The following CBLC variants were observed in gnomAD, a reference collection of about 807,000 sequenced individuals.
CBLC encodes Cbl proto-oncogene C, also known as E3 ubiquitin-protein ligase CBL-C.
In CBLC, 46 loss-of-function variants were observed where a neutral mutation model predicts 58.6. The observed-to-expected ratio is 0.79, with a 90% CI of 0.62 to 1.00. CBLC has a LOEUF of 1.00. CBLC is among the 50% of genes least tolerant of loss of function. CBLC has a pLI of 0.00. For missense variants in CBLC, 655 were observed against 625.8 expected (o/e 1.05, Z -0.50); for synonymous variants, 271 against 264.2 (o/e 1.03, Z -0.25).
Position 44,793,610 on chromosome 19 carries a change from A to T in CBLC, c.1274A>T (p.Glu425Val), listed in dbSNP as rs1172300265. 1.2e-6 allele frequency: 2 copies of T among 1,602,042 alleles called. No homozygotes were observed. Residue 425 changes from glutamate to valine, a missense_variant, in exon 8 of 11, where the codon GAG becomes GTG. This residue lies in a region of CBLC where 371 missense variants were observed against 370.8 expected (regional missense o/e 1.00). Transcript: ENST00000647358. The stretch of plus-strand genomic sequence containing the variant: ...AGTGACCAGGAAGGCAGGGAGTTGG[A>T]GCTGGGGCAGGTGAGCAGGGCCAGC... ...NSSDQEGREL[E>V]LGQVPLSAPP...
Position 44,798,065 on chromosome 19 carries a change from T to C in CBLC, c.1363-2316T>C, listed in dbSNP as rs1968215335. Among the ~76,000 whole-genome samples the C allele has an allele frequency of 2.0e-5, 3 of 152,082 alleles. No individual in the cohort carries two copies. In the South Asian group the frequency reaches 6.2e-4, roughly 32 times the overall value. On this transcript the variant is annotated intron_variant, in intron 9 of 10. Transcript: ENST00000647358. ...GCTGCTGTTCTCCATCTGAGAAACC[T>C]CCCTTTAGGGGACGACACTGCCATT...
chr19:44,784,207 A>C (rs1395228221), intron 4 of CBLC, 57 bp from the exon 5 acceptor site: 4 of 1,477,734 alleles, frequency 2.7e-6, no homozygotes, highest in Non-Finnish European at 3.7e-6. Context: ...CTGGAAGTTC[A>C]CAAAAGGGAT....
rs1967720810 is a variant in CBLC at position 44,781,240 on chromosome 19, C to G, written c.534C>G (p.Leu178=). 1 of 1,613,718 alleles carries G rather than the reference C, an allele frequency of 6.2e-7. No individual in the cohort carries two copies. Residue 178 remains leucine, a synonymous_variant, in exon 3 of 11, where the codon CTC becomes CTG. Coordinates refer to ENST00000647358, the MANE Select transcript of CBLC (RefSeq NM_012116.4). ...CVLPWAEFES[L]LGTCHPVEPG... is the part of the protein sequence containing the mutation. ...TGCCCTGGGCTGAGTTTGAGTCCCT[C>G]CTGGGCACCTGCCACCCTGTGGAAC...
chr19:44,784,166 T>C (rs1967822887), intron 4 of CBLC, 98 bp from the exon 5 acceptor site: 1 of 1,185,164 alleles, frequency 8.4e-7, no homozygotes, highest in African/African-American at 1.5e-5. Context: ...GGTGAGGACC[T>C]AGACACCTGG....
rs1374329094 is a variant in CBLC, at chr19:44,792,183, G to A, written c.1006-200G>A. ...TAATTTTTGTATTTTTAGTAGAGAC[G>A]GGGTTTCAACATGTTGACCAGGCTG... On this transcript the variant is annotated intron_variant, in intron 6 of 10. Transcript: ENST00000647358. 3.3e-5 allele frequency among the ~76,000 whole-genome samples: 5 copies of A among 151,890 alleles called. No homozygotes were observed. In the East Asian group the frequency reaches 5.8e-4, roughly 18 times the overall value.
At chr19:44,792,790 T>G (rs908841501) in intron 7 of CBLC, among the ~76,000 whole-genome samples, 1 of 152,150 alleles carries the variant, frequency 6.6e-6, no homozygotes, top group Non-Finnish European at 1.5e-5. Flanking sequence ...AGCCAGTGGC[T>G]TCACGTCTCT....
chr19:44,780,694 AACTC>A (rs1967699479), intron 1 of CBLC, among the ~76,000 whole-genome samples: 1 of 151,348 alleles, frequency 6.6e-6, no homozygotes, highest in East Asian at 2.0e-4. Context: ...GTTGGTCCCA[AACTC>A]CTGACTTCAA....
chr19:44,793,772 C>CTA, intron 8 of CBLC, 152 bp downstream of exon 8: 2 of 710,162 alleles, frequency 2.8e-6, no homozygotes, highest in East Asian at 3.2e-5. Context: ...TACTCTGAGT[C>CTA]TAAGGGAGGA....
intron 1 of CBLC, among the ~76,000 whole-genome samples, chr19:44,780,066 C>T (rs1451256679): frequency 6.6e-6 from 1 of 152,030 alleles, no homozygotes; most frequent in African/African-American, 2.4e-5. Flanking sequence ...GTAGGTAGAA[C>T]CACTGTCATA....
At chr19:44,782,117 G>A (rs1219408314) in intron 3 of CBLC, among the ~76,000 whole-genome samples, 1 of 137,258 alleles carries the variant, frequency 7.3e-6, no homozygotes, top group Non-Finnish European at 1.6e-5. Flanking sequence ...AGGAGGGGGT[G>A]AGGGCCTGGA....
Position 44,777,913 on chromosome 19 carries a change from C to G in CBLC, c.-19C>G. 3.2e-6 allele frequency: 5 copies of G among 1,538,820 alleles called. No homozygotes were observed. Among genetic ancestry groups the G allele is most frequent in the Non-Finnish European group, 4.3e-6 (5 of 1,150,096 alleles). ...CTATCCCAGCCGCACCGGTCCTTCC[C>G]GGCACACGCGAGGCTCCCATGGCTC... On this transcript the variant is annotated 5_prime_UTR_variant, in exon 1 of 11. Transcript: ENST00000647358.
chr19:44,792,275 G>C, intron 6 of CBLC, 108 bp from the exon 7 acceptor site: 1 of 1,269,928 alleles, frequency 7.9e-7, no homozygotes, highest in Non-Finnish European at 1.1e-6. Context: ...TTACAGGCGT[G>C]AGCCACCACA....
At chr19:44,798,476 G>C (rs1396176206) in intron 9 of CBLC, among the ~76,000 whole-genome samples, 1 of 152,104 alleles carries the variant, frequency 6.6e-6, no homozygotes. Flanking sequence ...TTGGGAGGCC[G>C]AGGTGGGCAA....
At position 44,782,373 on chromosome 19, in the gene CBLC, T is replaced by G; in HGVS notation, c.661T>G (p.Trp221Gly). 6.2e-7 allele frequency: 1 copy of G among 1,613,254 alleles called. No homozygotes were observed. The highest frequency in any genetic ancestry group is 8.5e-7 in the Non-Finnish European group (1 of 1,179,536). The change falls in exon 4 of 11, where the codon TGG (tryptophan) becomes GGG (glycine). Residue 221 changes from tryptophan (W) to glycine (G), a missense_variant. This residue lies in a region of CBLC where 371 missense variants were observed against 370.8 expected (regional missense o/e 1.00). Coordinates refer to ENST00000647358, the MANE Select transcript of CBLC (RefSeq NM_012116.4). ...FDVFTRLFQPWPTLLKNWQLL... is the reference protein window; with the variant it reads ...FDVFTRLFQPGPTLLKNWQLL... ...CCCAAGCCCTGCCCCACCCCAGCCA[T>G]GGCCAACACTCCTCAAGAACTGGCA... is the stretch of plus-strand genomic sequence containing the variant.
rs777782872 is a variant in CBLC, at chr19:44,781,410, G to T, written c.657+47G>T. The T allele has an allele frequency of 2.6e-6, 4 of 1,566,032 alleles. No homozygotes were observed. In the South Asian group the frequency reaches 4.6e-5, roughly 18 times the overall value. On this transcript the variant is annotated intron_variant, in intron 3 of 10. Transcript: ENST00000647358. ...GAGCTAGACTTGGGTCCAGGAGGAAGTAGAGGGCTGAATCCTGGATTCCTG... is the reference window on the plus strand; with the variant it reads ...GAGCTAGACTTGGGTCCAGGAGGAATTAGAGGGCTGAATCCTGGATTCCTG...
intron 9 of CBLC, among the ~76,000 whole-genome samples, chr19:44,797,728 C>A (rs1327449426): frequency 1.3e-5 from 2 of 150,268 alleles, no homozygotes; most frequent in Admixed American, 1.3e-4. Flanking sequence ...GCACTCCAGC[C>A]TGGGCGACAG....
At position 44,790,103 on chromosome 19, in the gene CBLC, A is replaced by C. The variant is rs1599867816; in HGVS notation, c.1005+12A>C. On this transcript the variant is annotated intron_variant, in intron 6 of 10. Transcript: ENST00000647358. ...TCCACGTGTCAGAGGTGAGACCCGC[A>C]CCTGCACCCGCAGTCCCAGTTCCCT... The C allele has an allele frequency of 6.2e-7, 1 of 1,606,774 alleles. No individual in the cohort carries two copies. The highest frequency in any genetic ancestry group is 8.5e-7 in the Non-Finnish European group (1 of 1,173,474).
chr19:44,797,840 A>C (rs1029564143), intron 9 of CBLC, among the ~76,000 whole-genome samples: 2 of 151,970 alleles, frequency 1.3e-5, no homozygotes, highest in African/African-American at 4.8e-5. Flanking sequence ...TTCTGGGCTC[A>C]AGTGATCCTC....
intron 5 of CBLC, among the ~76,000 whole-genome samples, chr19:44,787,262 C>G (rs532806450): frequency 6.6e-6 from 1 of 150,518 alleles, no homozygotes; most frequent in Non-Finnish European, 1.5e-5. Flanking sequence ...GGCGCAGTGG[C>G]GGGCGTCTGT....
Sources: allele counts gnomAD v4.1 joint callset (sites outside exome capture counted in the v4.1 genomes callset), GRCh38; gene constraint gnomAD v4.1.1; regional missense constraint gnomAD v4.1.1; transcripts MANE v1.5; gene names NCBI Gene and HGNC (gene_info 2026-07-23, HGNC 2026-07-21).